The following PTPN9 variants were observed in gnomAD, a reference collection of about 807,000 sequenced individuals.
PTPN9 encodes tyrosine-protein phosphatase non-receptor type 9.
Under a neutral mutation model 69.8 loss-of-function variants are expected in PTPN9, and 26 were observed. That is an observed-to-expected ratio of 0.37 (90% CI 0.27 to 0.52). The LOEUF (loss-of-function observed/expected upper bound fraction) is 0.52, where lower values mean the gene tolerates loss of function less well. Ranked by LOEUF, PTPN9 falls within the 20% of genes least tolerant of loss-of-function variation. The probability of loss-of-function intolerance (pLI) is 0.91; values close to 1 mark genes in which losing one functional copy is unlikely to be tolerated. For missense variants in PTPN9, 549 were observed against 740.3 expected (o/e 0.74, Z 3.00); for synonymous variants, 274 against 272.5 (o/e 1.01, Z -0.05).
At chr15:75,535,022 A>G (rs2074977176) in intron 1 of PTPN9, among the ~76,000 whole-genome samples, 1 of 150,964 alleles carries the variant, frequency 6.6e-6, no homozygotes, top group Admixed American at 6.6e-5. Flanking sequence ...TTTGAGACAG[A>G]GTCTCACTCT....
At chr15:75,568,150 T>C (rs1301133850) in intron 1 of PTPN9, among the ~76,000 whole-genome samples, 1 of 152,050 alleles carries the variant, frequency 6.6e-6, no homozygotes, top group African/African-American at 2.4e-5. Flanking sequence ...TTCCCATGAG[T>C]TCTGGAGCTT....
chr15:75,507,462 A>AAAG (rs2074825634), intron 6 of PTPN9, among the ~76,000 whole-genome samples: 1 of 148,486 alleles, frequency 6.7e-6, no homozygotes, highest in African/African-American at 2.5e-5. Flanking sequence ...AAAAAAAAAA[A>AAAG]AAAGAAAGAA....
Position 75,485,384 on chromosome 15 carries a change from C to T in PTPN9, c.1062+4824G>A, listed in dbSNP as rs1475159470. Among the ~76,000 whole-genome samples, 7 of 97,212 alleles carry T rather than the reference C, an allele frequency of 7.2e-5. No homozygotes were observed. The East Asian group carries it at 1.2e-3, about 17-fold the overall frequency. The allele number at this position is 97,212 out of a possible 152,430, so 63.8% of individuals were successfully genotyped here. On this transcript the variant is annotated intron_variant, in intron 8 of 12. Transcript: ENST00000618819. Reference sequence around the variant, plus strand: ...TTTTTTTTTTTTTTTTTTTTTGAGACGGAGTCTCGCTCTGTTGCCCAGGCC... The same window carrying T: ...TTTTTTTTTTTTTTTTTTTTTGAGATGGAGTCTCGCTCTGTTGCCCAGGCC...
chr15:75,535,375 A>C (rs2074978711), intron 1 of PTPN9, among the ~76,000 whole-genome samples: 2 of 152,182 alleles, frequency 1.3e-5, no homozygotes, highest in Admixed American at 1.3e-4. Context: ...TGAGGCCAGA[A>C]GTATTTAGAC....
At chr15:75,509,678 ACT>A (rs1175290125) in intron 5 of PTPN9, among the ~76,000 whole-genome samples, 1 of 151,876 alleles carries the variant, frequency 6.6e-6, no homozygotes. Flanking sequence ...CAAGAGTGAA[ACT>A]CTGTCTCAAA....
chr15:75,528,090 C>A (rs897582611), intron 1 of PTPN9, among the ~76,000 whole-genome samples: 4 of 152,182 alleles, frequency 2.6e-5, no homozygotes, highest in Non-Finnish European at 4.4e-5. Flanking sequence ...TTTGTGCTAA[C>A]TGACCCCACT....
chr15:75,511,870 ATT>A (rs11322621), intron 5 of PTPN9, among the ~76,000 whole-genome samples: 222 of 145,042 alleles, frequency 1.5e-3, no homozygotes, highest in Admixed American at 1.6e-3. Flanking sequence ...TCACTTTAAT[ATT>A]TTTTTTTTTT....
At chr15:75,498,491 G>A (rs561780572) in intron 7 of PTPN9, among the ~76,000 whole-genome samples, 1 of 152,082 alleles carries the variant, frequency 6.6e-6, no homozygotes, top group Admixed American at 6.6e-5. Context: ...GAGGTGAGTG[G>A]ATCACCTGAG....
Position 75,574,982 on chromosome 15 carries a change from C to CTTTTTTTTTT in PTPN9, c.63+3722_63+3731dup, listed in dbSNP as rs760542772. ...AAAAAGAAAGAAAGAAAAGAAATAT[C>CTTTTTTTTTT]TTTTTTTTTTTTTTTTTTTGAGACA... On this transcript the variant is annotated intron_variant, in intron 1 of 12. Coordinates refer to ENST00000618819, the MANE Select transcript of PTPN9 (RefSeq NM_002833.4). 4.4e-4 allele frequency among the ~76,000 whole-genome samples: 2 copies of CTTTTTTTTTT among 4,508 alleles called. 1 individual carries two copies. The allele number at this position is 4,508 out of a possible 152,430, so 3.0% of individuals were successfully genotyped here.
chr15:75,568,507 CAAAA>C (rs1206871976), intron 1 of PTPN9, among the ~76,000 whole-genome samples: 1 of 56,262 alleles, frequency 1.8e-5, no homozygotes, highest in African/African-American at 6.0e-5. Context: ...GACCTTGTCT[CAAAA>C]AAAAAAAAAA....
chr15:75,518,353 C>T (rs1030245551), intron 4 of PTPN9, among the ~76,000 whole-genome samples: 2 of 151,100 alleles, frequency 1.3e-5, no homozygotes, highest in Non-Finnish European at 2.9e-5. Context: ...TAAGACTGGG[C>T]GCAGTGGCTC....
intron 10 of PTPN9, among the ~76,000 whole-genome samples, chr15:75,471,625 A>AG (rs2074566098): frequency 6.6e-6 from 1 of 151,474 alleles, no homozygotes; most frequent in South Asian, 2.1e-4. Context: ...AAAAAAAAAA[A>AG]AAGGCCTAGG....
Position 75,537,753 on chromosome 15 carries a change from C to CAAAAAAAAAAAAAAAAAAAAAAAAAAA in PTPN9, c.64-10493_64-10492insTTTTTTTTTTTTTTTTTTTTTTTTTTT, listed in dbSNP as rs1164644727. On this transcript the variant is annotated intron_variant, in intron 1 of 12. Coordinates refer to ENST00000618819, the MANE Select transcript of PTPN9 (RefSeq NM_002833.4). The stretch of plus-strand genomic sequence containing the variant: ...AGGGCAACAGAGGGAGACTCCATCT[C>CAAAAAAAAAAAAAAAAAAAAAAAAAAA]AAAAAAAAAAAAAAAAAAAAAAAGG... 7.9e-4 allele frequency among the ~76,000 whole-genome samples: 9 copies of CAAAAAAAAAAAAAAAAAAAAAAAAAAA among 11,390 alleles called. 1 individual carries two copies. Among genetic ancestry groups the CAAAAAAAAAAAAAAAAAAAAAAAAAAA allele is most frequent in the Non-Finnish European group, 1.1e-3 (7 of 6,410 alleles). The allele number at this position is 11,390 out of a possible 152,430, so 7.5% of individuals were successfully genotyped here.
chr15:75,540,106 G>A (rs1462234384), intron 1 of PTPN9, among the ~76,000 whole-genome samples: 1 of 152,092 alleles, frequency 6.6e-6, no homozygotes, highest in Non-Finnish European at 1.5e-5. Flanking sequence ...ATACCCCTCA[G>A]TTTCTCTGCC....
At position 75,510,518 on chromosome 15, in the gene PTPN9, T is replaced by C. The variant is rs1373982585; in HGVS notation, c.529-1491A>G. Among the ~76,000 whole-genome samples, 9 of 152,184 alleles carry C rather than the reference T, an allele frequency of 5.9e-5. No individual in the cohort carries two copies. The South Asian group carries it at 6.2e-4, about 10-fold the overall frequency. On this transcript the variant is annotated intron_variant, in intron 5 of 12. Transcript: ENST00000618819. ...TCCCAGAGTGCTGGGATTATAGGCA[T>C]TGAGCCACTGCTCCTGGCGTGAAGT...
At chr15:75,534,559 C>A (rs1385523898) in intron 1 of PTPN9, among the ~76,000 whole-genome samples, 1 of 151,680 alleles carries the variant, frequency 6.6e-6, no homozygotes, top group Non-Finnish European at 1.5e-5. Flanking sequence ...CCTGTGGTCC[C>A]AGCTACTCGG....
At chr15:75,534,031 A>G (rs2074973290) in intron 1 of PTPN9, among the ~76,000 whole-genome samples, 1 of 152,208 alleles carries the variant, frequency 6.6e-6, no homozygotes. Flanking sequence ...TTACCTAGCA[A>G]CAAAGGAGAA....
chr15:75,527,164 C>T lies in PTPN9; in HGVS notation c.161G>A (p.Arg54Lys). ...WNVAVKFLMA[R>K]KFDVLRAIEL... ...TATGGCACGGAGCACATCAAACTTC[C>T]TTGCCATGAGGAACTTGACAGCCAC... Residue 54 changes from arginine to lysine, a missense_variant, in exon 2 of 13, where the codon AGG (arginine) becomes AAG (lysine). Physicochemically the swap from Arg to Lys is conservative, Grantham distance 26. Coordinates refer to ENST00000618819, the MANE Select transcript of PTPN9 (RefSeq NM_002833.4). The T allele has an allele frequency of 6.2e-7, 1 of 1,614,194 alleles. No homozygotes were observed. Among genetic ancestry groups the T allele is most frequent in the Non-Finnish European group, 8.5e-7 (1 of 1,180,040 alleles).
intron 1 of PTPN9, among the ~76,000 whole-genome samples, chr15:75,563,375 G>C (rs1182318141): frequency 6.6e-6 from 1 of 152,150 alleles, no homozygotes; most frequent in Admixed American, 6.6e-5. Flanking sequence ...TTTTAGTAGA[G>C]AAAGGGTTTT....
Sources: allele counts gnomAD v4.1 joint callset (sites outside exome capture counted in the v4.1 genomes callset), GRCh38; gene constraint gnomAD v4.1.1; transcripts MANE v1.5; gene names NCBI Gene and HGNC (gene_info 2026-07-23, HGNC 2026-07-21).